Variants in USH2A observed in about 807,000 individuals in gnomAD.
USH2A encodes Usher syndrome 2A (autosomal recessive, mild).
USH2A carries 443 observed loss-of-function variants against 538.9 expected under a neutral mutation model. That is an observed-to-expected ratio of 0.82 (90% confidence interval 0.76 to 0.89). USH2A has a LOEUF of 0.89. USH2A is among the 40% of genes least tolerant of loss of function. The pLI is 0.00. For missense variants in USH2A, 6,633 were observed against 6,324.8 expected (o/e 1.05, Z -1.65); for synonymous variants, 2,413 against 2,273.5 (o/e 1.06, Z -1.75).
intron 67 of USH2A, among the ~76,000 whole-genome samples, chr1:215,646,141 A>G (rs1257973001): frequency 6.6e-6 from 1 of 152,156 alleles, no homozygotes; most frequent in Non-Finnish European, 1.5e-5. Context: ...CCAAAATATT[A>G]GTAGTGGTTG....
intron 15 of USH2A, among the ~76,000 whole-genome samples, chr1:216,207,801 T>C (rs190214659): frequency 3.0e-3 from 449 of 151,980 alleles, no homozygotes; most frequent in Non-Finnish European, 2.9e-3. Flanking sequence ...ATAAGTTCCA[T>C]TGAAACTTGA....
chr1:215,970,692 G>A lies in USH2A; in HGVS notation c.6890C>T (p.Ala2297Val), dbSNP rs1459792785. ...TCTGAAGGAATGTAAACTCCAAGGA[G>A]CAAATCCGTAAGCACGATAGCTGAG... ...SELSYRAYGF[A>V]PWSLHSFRVQ... The change falls in exon 36 of 72, where the codon GCT becomes GTT. Residue 2297 changes from alanine (A) to valine (V), a missense_variant. Transcript: ENST00000307340. The A allele has an allele frequency of 6.2e-7, 1 of 1,613,686 alleles. No homozygotes were observed. The highest frequency in any genetic ancestry group is 8.5e-7 in the Non-Finnish European group (1 of 1,179,734).
intron 71 of USH2A, among the ~76,000 whole-genome samples, chr1:215,627,435 TCCTTCCTTC>T (rs1656083835): frequency 2.2e-5 from 2 of 91,584 alleles, no homozygotes; most frequent in East Asian, 8.3e-4. Flanking sequence ...CTTCCTTCCT[TCCTTCCTTC>T]CTTCCTTCCT....
At chr1:216,347,106 C>A (rs1478778472) in intron 4 of USH2A, among the ~76,000 whole-genome samples, 16 of 152,116 alleles carry the variant, frequency 1.1e-4, no homozygotes, top group Non-Finnish European at 4.4e-5. Flanking sequence ...TCAGAAACTG[C>A]TTCTTTGACT....
At chr1:215,803,909 C>G (rs1156677128) in intron 49 of USH2A, among the ~76,000 whole-genome samples, 1 of 152,158 alleles carries the variant, frequency 6.6e-6, no homozygotes, top group Non-Finnish European at 1.5e-5. Context: ...GTAACCAAAA[C>G]AGCATGGTAC....
chr1:215,955,772 A>T (rs996305020), intron 37 of USH2A, among the ~76,000 whole-genome samples: 1 of 152,190 alleles, frequency 6.6e-6, no homozygotes, highest in African/African-American at 2.4e-5. Context: ...TTCACACAAA[A>T]ATTTGGGAAA....
intron 21 of USH2A, among the ~76,000 whole-genome samples, chr1:216,162,365 G>T (rs2034076155): frequency 6.6e-6 from 1 of 151,696 alleles, no homozygotes; most frequent in Non-Finnish European, 1.5e-5. Context: ...TTTCAATTTT[G>T]CATTGAAATA....
In USH2A at chr1:215,889,036, G is replaced by A; in HGVS notation, c.7613C>T (p.Pro2538Leu). ...TAEDKPGPVV[P>L]PILLDVKSRM... Reference sequence around the variant, plus strand: ...TGACTTCACATCCAGAAGAATCGGAGGAACTACAGGTCCAGGTTCTGTAAA... The same window carrying A: ...TGACTTCACATCCAGAAGAATCGGAAGAACTACAGGTCCAGGTTCTGTAAA... Residue 2538 changes from proline to leucine, a missense_variant, in exon 41 of 72, where the codon CCT becomes CTT. Physicochemically the swap from Pro to Leu is moderately conservative, Grantham distance 98. Transcript: ENST00000307340. 1 of 1,613,828 alleles carries A rather than the reference G, an allele frequency of 6.2e-7. No homozygotes were observed. The highest frequency in any genetic ancestry group is 8.5e-7 in the Non-Finnish European group (1 of 1,179,996).
intron 32 of USH2A, among the ~76,000 whole-genome samples, chr1:216,023,459 C>CAATAAAA (rs1668886472): frequency 2.1e-5 from 1 of 46,956 alleles, no homozygotes; most frequent in Non-Finnish European, 3.8e-5. Context: ...TCAAAGCAGA[C>CAATAAAA]AAAAAAAAAA....
chr1:216,175,661 G>T (rs2034363455), intron 20 of USH2A, among the ~76,000 whole-genome samples, 179 bp from the exon 21 acceptor site: 1 of 152,108 alleles, frequency 6.6e-6, no homozygotes, highest in South Asian at 2.1e-4. Context: ...TATCTTAAAT[G>T]CAGTGAAACA....
chr1:216,119,822 G>A (rs1463860987), intron 21 of USH2A, among the ~76,000 whole-genome samples: 1 of 152,040 alleles, frequency 6.6e-6, no homozygotes, highest in Non-Finnish European at 1.5e-5. Flanking sequence ...ATGTTGATAT[G>A]CTTTCTTTCT....
chr1:215,786,174 A>G (rs1419824790), intron 52 of USH2A, among the ~76,000 whole-genome samples: 4 of 152,208 alleles, frequency 2.6e-5, no homozygotes, highest in Non-Finnish European at 5.9e-5. Flanking sequence ...AATATTTACA[A>G]TAACTGCAAA....
At chr1:216,269,088 A>C (rs1207033590) in intron 11 of USH2A, among the ~76,000 whole-genome samples, 1 of 151,962 alleles carries the variant, frequency 6.6e-6, no homozygotes, top group Non-Finnish European at 1.5e-5. Flanking sequence ...ACAGAAGAAG[A>C]ATTTAAACCT....
At chr1:216,052,918 G>T (rs1418231439) in intron 30 of USH2A, among the ~76,000 whole-genome samples, 1 of 152,176 alleles carries the variant, frequency 6.6e-6, no homozygotes, top group African/African-American at 2.4e-5. Context: ...TTATCCTAAT[G>T]GCTTTGCTTT....
At chr1:215,742,998 A>C (rs1660349408) in intron 59 of USH2A, among the ~76,000 whole-genome samples, 179 bp downstream of exon 59, 1 of 152,202 alleles carries the variant, frequency 6.6e-6, no homozygotes, top group Non-Finnish European at 1.5e-5. Context: ...AATGTGCAGA[A>C]ATGCATAATG....
chr1:215,652,209 T>A (rs1439745016), intron 64 of USH2A, among the ~76,000 whole-genome samples: 1 of 152,330 alleles, frequency 6.6e-6, no homozygotes, highest in East Asian at 1.9e-4. Flanking sequence ...AAATTGAGCC[T>A]CAGAAAATTT....
At chr1:216,328,128 A>C (rs1261694196) in intron 4 of USH2A, among the ~76,000 whole-genome samples, 1 of 152,084 alleles carries the variant, frequency 6.6e-6, no homozygotes, top group African/African-American at 2.4e-5. Flanking sequence ...TCTAAAGTTA[A>C]ATTAATGTCT....
chr1:215,623,257 C>A lies in USH2A; in HGVS notation c.*2524G>T, dbSNP rs1257455218. On this transcript the variant is annotated 3_prime_UTR_variant, in exon 72 of 72. Transcript: ENST00000307340. ...CATGTACAATTGGTAAAATGTGAGTCAGGAGATTTAAATTTAAAGAGGTTC... is the reference window on the plus strand; with the variant it reads ...CATGTACAATTGGTAAAATGTGAGTAAGGAGATTTAAATTTAAAGAGGTTC... The A allele has an allele frequency of 6.6e-6, 1 of 151,940 alleles. No individual in the cohort carries two copies. The allele number at this position is 151,940 out of a possible 1,614,324, so 9.4% of individuals were successfully genotyped here.
chr1:216,010,469 G>A (rs1004027493), intron 32 of USH2A, among the ~76,000 whole-genome samples: 1 of 151,880 alleles, frequency 6.6e-6, no homozygotes, highest in African/African-American at 2.4e-5. Context: ...AGTGGCTGAA[G>A]ACTGACACTG....
Sources: allele counts gnomAD v4.1 joint callset (sites outside exome capture counted in the v4.1 genomes callset), GRCh38; gene constraint gnomAD v4.1.1; transcripts MANE v1.5; gene names NCBI Gene and HGNC (gene_info 2026-07-23, HGNC 2026-07-21).